LAYN: variants seen among roughly 807,000 people sequenced by gnomAD.
LAYN encodes the protein layilin.
In LAYN, 38 loss-of-function variants were observed where a neutral mutation model predicts 43.6. The observed-to-expected ratio is 0.87, with a 90% CI of 0.67 to 1.14. LAYN has a LOEUF of 1.14. LAYN is among the 50% of genes most tolerant of loss of function. LAYN has a pLI of 0.00. For missense variants in LAYN, 479 were observed against 463.8 expected, an observed-to-expected ratio of 1.03 and a Z score of -0.30; for synonymous variants, 168 against 172.9, an observed-to-expected ratio of 0.97 and a Z score of 0.22.
At position 111,554,563 on chromosome 11, in the gene LAYN, A is replaced by G. The variant is rs754777449; in HGVS notation, c.544A>G (p.Lys182Glu). ...GTTTTTGTTTCTTTCTACTACAGAG[A>G]AACCAGCAGTTCCTTCTAGAGAAGC... is the stretch of plus-strand genomic sequence containing the variant. ...NNFICKYSDE[K>E]PAVPSREAEG... The change falls in exon 4 of 7, where the codon AAA (lysine) becomes GAA (glutamate). Residue 182 changes from lysine to glutamate, a missense_variant and splice_region_variant. By Grantham distance (56) the Lys-to-Glu change is moderately conservative. Coordinates refer to ENST00000375614, the MANE Select transcript of LAYN (RefSeq NM_178834.5). 11 of 1,612,478 alleles carry G rather than the reference A, an allele frequency of 6.8e-6. No individual in the cohort carries two copies. Among genetic ancestry groups the G allele is most frequent in the African/African-American group, 1.3e-5 (1 of 74,934 alleles).
Position 111,549,675 on chromosome 11 carries a change from T to C in LAYN, c.441T>C (p.His147=). The part of the protein sequence containing the change: ...CGSEVCVVMY[H]QPSAPAGIGG... ...GCGAGGTCTGCGTGGTCATGTACCA[T>C]CAGCCATCGGCACCCGCTGGCATCG... Residue 147 remains histidine, a synonymous_variant, in exon 3 of 7, where the codon CAT becomes CAC. Transcript: ENST00000375614. 1 of 1,603,384 alleles carries C rather than the reference T, an allele frequency of 6.2e-7. No homozygotes were observed. Among genetic ancestry groups the C allele is most frequent in the African/African-American group, 1.3e-5 (1 of 74,364 alleles).
At position 111,556,225 on chromosome 11, in the gene LAYN, C is replaced by T. The variant is rs115921456; in HGVS notation, c.658+935C>T. 7.7e-3 allele frequency among the ~76,000 whole-genome samples: 1,171 copies of T among 152,308 alleles called. 24 individuals carry two copies. Among genetic ancestry groups the T allele is most frequent in the African/African-American group, 0.026 (1,086 of 41,570 alleles). On this transcript the variant is annotated intron_variant, in intron 5 of 6. Coordinates refer to ENST00000375614, the MANE Select transcript of LAYN (RefSeq NM_178834.5). ...AGGATCAGCCAAATGAAAAGACACA[C>T]AGCAGGACGTCTGGGAGGAGTTTCC... is the stretch of plus-strand genomic sequence containing the variant.
chr11:111,541,409 T>C (rs1474589785), intron 1 of LAYN: 2 of 706,388 alleles, frequency 2.8e-6, no homozygotes, highest in African/African-American at 1.7e-5. Flanking sequence ...TGCCTGTTAC[T>C]CCTCGTCTCT....
In LAYN at chr11:111,557,931, C is replaced by T. The variant is rs552970368; in HGVS notation, c.761+288C>T. 2.0e-5 allele frequency among the ~76,000 whole-genome samples: 3 copies of T among 152,222 alleles called. No individual in the cohort carries two copies. The East Asian group carries it at 5.8e-4, about 29-fold the overall frequency. ...CACCTCCCGTGCACTCACACGTCACCCAGCAAAAATGCTCTCATGAATGTA... is the reference window on the plus strand; with the variant it reads ...CACCTCCCGTGCACTCACACGTCACTCAGCAAAAATGCTCTCATGAATGTA... On this transcript the variant is annotated intron_variant, in intron 6 of 6. Coordinates refer to ENST00000375614, the MANE Select transcript of LAYN (RefSeq NM_178834.5).
chr11:111,540,672 G>C, upstream of LAYN: 1 of 578,124 alleles, frequency 1.7e-6, no homozygotes, highest in Non-Finnish European at 2.9e-6. Context: ...GACGTCCCAG[G>C]GGGCGGAGGG....
chr11:111,543,975 C>T lies in LAYN; in HGVS notation c.138C>T (p.Tyr46=). ...GTQRPCYKVI[Y]FHDTSRRLNF... ...AGAGGCCTTGTTATAAAGTCATTTA[C>T]TTCCATGATACTTCTCGAAGACTGA... The change falls in exon 2 of 7, where the codon TAC becomes TAT. Residue 46 remains tyrosine, a synonymous_variant. Coordinates refer to ENST00000375614, the MANE Select transcript of LAYN (RefSeq NM_178834.5). 1 of 1,614,182 alleles carries T rather than the reference C, an allele frequency of 6.2e-7. No individual in the cohort carries two copies.
In LAYN at chr11:111,560,245, T is replaced by C. The variant is rs1867928783; in HGVS notation, c.912T>C (p.Asn304=). Residue 304 remains asparagine, a synonymous_variant, in exon 7 of 7, where the codon AAT becomes AAC. Coordinates refer to ENST00000375614, the MANE Select transcript of LAYN (RefSeq NM_178834.5). Reference sequence around the variant, plus strand: ...CTGAGACCCGGCCAGACCTGAAGAATATTTCATTCCGAGTGTGTTCGGGAG... The same window carrying C: ...CTGAGACCCGGCCAGACCTGAAGAACATTTCATTCCGAGTGTGTTCGGGAG... ...DLAETRPDLK[N]ISFRVCSGEA... 6.2e-7 allele frequency: 1 copy of C among 1,614,114 alleles called. No homozygotes were observed.
At chr11:111,542,953 T>A (rs1867575457) in intron 1 of LAYN, among the ~76,000 whole-genome samples, 3 of 152,194 alleles carry the variant, frequency 2.0e-5, no homozygotes, top group Admixed American at 2.0e-4. Flanking sequence ...TAGAGCAGTG[T>A]GTACTGTGAG....
intron 2 of LAYN, among the ~76,000 whole-genome samples, chr11:111,546,508 C>T (rs1222771403): frequency 6.6e-6 from 1 of 152,242 alleles, no homozygotes; most frequent in African/African-American, 2.4e-5. Flanking sequence ...TACTCCCATA[C>T]TTAGCTGACC....
chr11:111,556,299 A>G (rs939807018), intron 5 of LAYN, among the ~76,000 whole-genome samples: 2 of 152,184 alleles, frequency 1.3e-5, no homozygotes, highest in Non-Finnish European at 2.9e-5. Context: ...ATCCTGGCAC[A>G]TCAGTGTGTT....
chr11:111,543,294 T>C (rs767051387), intron 1 of LAYN, among the ~76,000 whole-genome samples: 8 of 152,204 alleles, frequency 5.3e-5, no homozygotes, highest in Admixed American at 1.3e-4. Flanking sequence ...ATAAAGTATG[T>C]AAGTAAATGT....
At chr11:111,541,586 G>A in intron 1 of LAYN, 1 of 1,536,182 alleles carries the variant, frequency 6.5e-7, no homozygotes, top group South Asian at 1.2e-5. Flanking sequence ...CTCAGAGGAG[G>A]TAAAGTGCTC....
At chr11:111,558,992 G>A (rs1364365135) in intron 6 of LAYN, among the ~76,000 whole-genome samples, 1 of 151,726 alleles carries the variant, frequency 6.6e-6, no homozygotes, top group Non-Finnish European at 1.5e-5. Flanking sequence ...CACCATGTTG[G>A]CCAGGCTGGT....
At chr11:111,552,042 G>T (rs1337149695) in intron 3 of LAYN, among the ~76,000 whole-genome samples, 1 of 151,562 alleles carries the variant, frequency 6.6e-6, no homozygotes, top group African/African-American at 2.4e-5. Context: ...ATGCATGTAT[G>T]CACACACACA....
chr11:111,543,713 C>T (rs1441117276), intron 1 of LAYN, among the ~76,000 whole-genome samples: 1 of 152,232 alleles, frequency 6.6e-6, no homozygotes, highest in African/African-American at 2.4e-5. Flanking sequence ...GATGTCCCTA[C>T]ACAATATAGG....
rs191620986 is a variant in LAYN at position 111,555,511 on chromosome 11, T to C, written c.658+221T>C. Among the ~76,000 whole-genome samples, 3 of 152,088 alleles carry C rather than the reference T, an allele frequency of 2.0e-5. No homozygotes were observed. In the East Asian group the frequency reaches 5.8e-4, roughly 29 times the overall value. On this transcript the variant is annotated intron_variant, in intron 5 of 6. Transcript: ENST00000375614. ...ATGACTGGGGAAATCAGACAGCAGGTGAAAAATTTGCATGAAGACAGAGCC... is the reference window on the plus strand; with the variant it reads ...ATGACTGGGGAAATCAGACAGCAGGCGAAAAATTTGCATGAAGACAGAGCC...
intron 2 of LAYN, among the ~76,000 whole-genome samples, chr11:111,548,775 C>T (rs1867688986): frequency 6.6e-6 from 1 of 152,178 alleles, no homozygotes; most frequent in Admixed American, 6.5e-5. Flanking sequence ...TAGAAGGAAA[C>T]AGCTCAGGCA....
At chr11:111,551,175 G>A (rs537619191) in intron 3 of LAYN, among the ~76,000 whole-genome samples, 2 of 152,280 alleles carry the variant, frequency 1.3e-5, no homozygotes, top group East Asian at 3.9e-4. Flanking sequence ...GGAAAAGCTT[G>A]GGGTCATGAA....
rs373603079 is a variant in LAYN, at chr11:111,560,127, A to G, written c.794A>G (p.Lys265Arg). The G allele has an allele frequency of 5.6e-6, 9 of 1,613,184 alleles. No homozygotes were observed. The African/African-American group carries it at 1.2e-4, about 22-fold the overall frequency. ...GAGCAGCCAGACCCTAGCACAAAGA[A>G]GCAACACACCATCTGGCCCTCTCCT... The part of the protein sequence containing the change: ...KREQPDPSTK[K>R]QHTIWPSPHQ... The change falls in exon 7 of 7, where the codon AAG (lysine) becomes AGG (arginine). Residue 265 changes from lysine to arginine, a missense_variant. Lys to Arg is a conservative substitution (Grantham distance 26). Transcript: ENST00000375614.
Sources: gnomAD v4.1 joint callset for allele counts (sites outside exome capture counted in the v4.1 genomes callset) on GRCh38, gnomAD v4.1.1 for gene constraint, MANE v1.5 for transcripts, NCBI Gene and HGNC (gene_info 2026-07-23, HGNC 2026-07-21) for gene names.